Variants in USP2 observed in about 807,000 individuals in gnomAD.
The protein encoded by USP2 is ubiquitin specific peptidase 2, also known as ubiquitin carboxyl-terminal hydrolase 2.
USP2 carries 33 observed loss-of-function variants against 72.0 expected under a neutral mutation model. That is an observed-to-expected ratio of 0.46 (90% CI 0.35 to 0.61). The LOEUF (loss-of-function observed/expected upper bound fraction) is 0.61, where lower values mean the gene tolerates loss of function less well. Ranked by LOEUF, USP2 falls within the 20% of genes least tolerant of loss-of-function variation. The probability of loss-of-function intolerance (pLI) is 0.01; values close to 1 mark genes in which losing one functional copy is unlikely to be tolerated. For synonymous variants in USP2, 296 were observed against 312.5 expected (o/e 0.95, Z 0.56); for missense variants, 691 against 797.8 (o/e 0.87, Z 1.61).
chr11:119,360,431 T>C (rs1465961305), intron 2 of USP2, 197 bp from the exon 3 acceptor site: 7 of 678,884 alleles, frequency 1.0e-5, no homozygotes, highest in Non-Finnish European at 1.8e-5. Context: ...TCTTTTCTTT[T>C]TTTTTTTTTT....
At chr11:119,370,293 C>T (rs1050302175) in intron 2 of USP2, among the ~76,000 whole-genome samples, 1 of 152,208 alleles carries the variant, frequency 6.6e-6, no homozygotes, top group Non-Finnish European at 1.5e-5. Context: ...GGTACAACAA[C>T]GAGGACTAAC....
At chr11:119,362,376 G>C (rs1003375064) in intron 2 of USP2, among the ~76,000 whole-genome samples, 2 of 152,140 alleles carry the variant, frequency 1.3e-5, no homozygotes, top group Non-Finnish European at 2.9e-5. Flanking sequence ...GGAGATGGGA[G>C]AAGCTCCTTT....
chr11:119,373,081 C>A lies in USP2; in HGVS notation c.400G>T (p.Val134Leu), dbSNP rs758025083. The A allele has an allele frequency of 5.0e-6, 8 of 1,614,084 alleles. No homozygotes were observed. In the South Asian group the frequency reaches 7.7e-5, roughly 16 times the overall value. Residue 134 changes from valine (V) to leucine (L), a missense_variant, in exon 2 of 13, where the codon GTG (valine) becomes TTG (leucine). Coordinates refer to ENST00000260187, the MANE Select transcript of USP2 (RefSeq NM_004205.5). ...CTGTCCAGCTTCTGGGTTAGGGTCA[C>A]CCCCTGGTCATAGGCATTGATGGGC... ...YLPINAYDQG[V>L]TLTQKLDSQS...
At chr11:119,370,654 T>C (rs971271945) in intron 2 of USP2, among the ~76,000 whole-genome samples, 1 of 152,210 alleles carries the variant, frequency 6.6e-6, no homozygotes, top group Admixed American at 6.5e-5. Context: ...TCTTGTACTA[T>C]TGACCCTGGA....
rs775551401 is a variant in USP2, at chr11:119,373,029, G to A, written c.452C>T (p.Ser151Phe). ...DSQSDLARDF[S>F]SLRTSDSYRI... ...GTAGCTATCTGAGGTCCGGAGGCTG[G>A]AGAAATCCCGGGCCAGGTCTGATTG... The change falls in exon 2 of 13, where the codon TCC (serine) becomes TTC (phenylalanine). Residue 151 changes from serine to phenylalanine, a missense_variant. Transcript: ENST00000260187. 3.1e-6 allele frequency: 5 copies of A among 1,613,906 alleles called. No homozygotes were observed. Among genetic ancestry groups the A allele is most frequent in the Non-Finnish European group, 4.2e-6 (5 of 1,180,044 alleles).
chr11:119,365,720 A>T (rs1404137756), intron 2 of USP2, among the ~76,000 whole-genome samples: 1 of 152,166 alleles, frequency 6.6e-6, no homozygotes, highest in East Asian at 1.9e-4. Context: ...CACCACCCTC[A>T]GTCTTTGACC....
rs532014099 is a variant in USP2 at position 119,358,099 on chromosome 11, T to C, written c.1342-38A>G. On this transcript the variant is annotated intron_variant, in intron 8 of 12. Coordinates refer to ENST00000260187, the MANE Select transcript of USP2 (RefSeq NM_004205.5). ...AAAAAGCAAAGGTCAGAGGTCAACA[T>C]GAAAGGACAGGAGAGGGAGTTCAAC... 3.8e-4 allele frequency: 611 copies of C among 1,614,048 alleles called. 2 individuals carry two copies. Among genetic ancestry groups the C allele is most frequent in the Non-Finnish European group, 5.0e-4 (589 of 1,179,976 alleles).
At chr11:119,362,170 C>T (rs1950774180) in intron 2 of USP2, among the ~76,000 whole-genome samples, 2 of 152,170 alleles carry the variant, frequency 1.3e-5, no homozygotes, top group Admixed American at 1.3e-4. Context: ...AGGCCCTCAG[C>T]TGAGACAACA....
intron 1 of USP2, among the ~76,000 whole-genome samples, chr11:119,380,142 C>T (rs150639271): frequency 0.016 from 2,377 of 151,938 alleles, 74 homozygotes; most frequent in African/African-American, 0.054. Context: ...GTCTCGATTT[C>T]CTGACCTTGT....
intron 2 of USP2, among the ~76,000 whole-genome samples, chr11:119,364,616 T>C (rs1443634549): frequency 6.6e-6 from 1 of 152,212 alleles, no homozygotes; most frequent in East Asian, 1.9e-4. Flanking sequence ...AGCTCTTCTC[T>C]CTTCAGGGCG....
chr11:119,362,830 T>C (rs1950783887), intron 2 of USP2, among the ~76,000 whole-genome samples: 1 of 151,956 alleles, frequency 6.6e-6, no homozygotes, highest in Admixed American at 6.5e-5. Context: ...TTGGACCCAG[T>C]CTTCCTTCCA....
At chr11:119,366,045 C>T (rs890307732) in intron 2 of USP2, among the ~76,000 whole-genome samples, 2 of 152,060 alleles carry the variant, frequency 1.3e-5, no homozygotes, top group Non-Finnish European at 2.9e-5. Flanking sequence ...CAGGTGCGCA[C>T]CACCACGCCT....
At position 119,357,234 on chromosome 11, in the gene USP2, G is replaced by A; in HGVS notation, c.1683C>T (p.Tyr561=). The change falls in exon 12 of 13, where the codon TAC becomes TAT. Residue 561 remains tyrosine, a synonymous_variant. Transcript: ENST00000260187. ...GTTMGGHYTA[Y]CRSPGTGEWH... ...ATTCTCCTGTCCCTGGACTGCGACA[G>A]TAGGCTGTATAGTGGCCACCCATGG... is the stretch of plus-strand genomic sequence containing the variant. 7 of 1,613,902 alleles carry A rather than the reference G, an allele frequency of 4.3e-6. No homozygotes were observed. Among genetic ancestry groups the A allele is most frequent in the South Asian group, 1.1e-5 (1 of 91,076 alleles).
At chr11:119,363,470 G>A (rs1950796204) in intron 2 of USP2, among the ~76,000 whole-genome samples, 1 of 152,172 alleles carries the variant, frequency 6.6e-6, no homozygotes, top group Non-Finnish European at 1.5e-5. Flanking sequence ...GCCGGGGTTT[G>A]GCCTCGGAGG....
chr11:119,379,523 G>A (rs916673068), intron 1 of USP2, among the ~76,000 whole-genome samples: 2 of 152,138 alleles, frequency 1.3e-5, no homozygotes, highest in Non-Finnish European at 2.9e-5. Flanking sequence ...CTTGCTCAAG[G>A]GCATGTGCAG....
At chr11:119,376,088 G>T in intron 1 of USP2, 1 of 730,024 alleles carries the variant, frequency 1.4e-6, no homozygotes, top group Non-Finnish European at 1.7e-6. Flanking sequence ...CAGTTCCCAT[G>T]CCTGCGGAGA....
In USP2 at chr11:119,358,252, T is replaced by C. The variant is rs1430797086; in HGVS notation, c.1238A>G (p.Asp413Gly). The C allele has an allele frequency of 3.1e-6, 5 of 1,612,658 alleles. No homozygotes were observed. In the African/African-American group the frequency reaches 6.7e-5, roughly 22 times the overall value. Residue 413 changes from aspartate (D) to glycine (G), a missense_variant and splice_region_variant, in exon 8 of 13, where the codon GAT becomes GGT. By Grantham distance (94) the Asp-to-Gly change is moderately conservative. Transcript: ENST00000260187. ...YLEREDSRIGDLFVGQLKSSL... is the reference protein window; with the variant it reads ...YLEREDSRIGGLFVGQLKSSL... ...GCTCTTTAGCTGCCCAACAAAGAGATCTGGGGAAGAGAAGGCCATGAGATG... is the reference window on the plus strand; with the variant it reads ...GCTCTTTAGCTGCCCAACAAAGAGACCTGGGGAAGAGAAGGCCATGAGATG...
chr11:119,378,830 C>T (rs948829875), intron 1 of USP2, among the ~76,000 whole-genome samples: 1 of 152,214 alleles, frequency 6.6e-6, no homozygotes, highest in African/African-American at 2.4e-5. Context: ...CTCCTTCCTT[C>T]TCCTCTAGGG....
chr11:119,358,875 C>CA, intron 6 of USP2, 38 bp from the exon 7 acceptor site: 1 of 1,612,204 alleles, frequency 6.2e-7, no homozygotes, highest in Non-Finnish European at 8.5e-7. Context: ...GGTCAAAGCT[C>CA]AAAACTTAAG....
Sources: gnomAD v4.1 joint callset for allele counts (sites outside exome capture counted in the v4.1 genomes callset) on GRCh38, gnomAD v4.1.1 for gene constraint, MANE v1.5 for transcripts, NCBI Gene and HGNC (gene_info 2026-07-23, HGNC 2026-07-21) for gene names.